Variants in SIRT4 observed in about 807,000 individuals in gnomAD.
The protein encoded by SIRT4 is NAD-dependent protein lipoamidase sirtuin-4, mitochondrial.
Under a neutral mutation model 26.1 loss-of-function variants are expected in SIRT4, and 23 were observed. The observed-to-expected ratio is 0.88, with a 90% CI of 0.63 to 1.25. The LOEUF (loss-of-function observed/expected upper bound fraction) is 1.25, where lower values mean the gene tolerates loss of function less well. Among genes scored for constraint, SIRT4 ranks in the 50% most tolerant of loss-of-function variants. The pLI, the probability that SIRT4 is intolerant of heterozygous loss-of-function variation, is 0.00. For synonymous variants in SIRT4, 155 were observed against 158.4 expected, an observed-to-expected ratio of 0.98 and a Z score of 0.16; for missense variants, 361 against 405.4, an observed-to-expected ratio of 0.89 and a Z score of 0.94.
At position 120,313,246 on chromosome 12, in the gene SIRT4, G is replaced by T; in HGVS notation, c.*210G>T. On this transcript the variant is annotated 3_prime_UTR_variant, in exon 4 of 4. Transcript: ENST00000202967. The stretch of plus-strand genomic sequence containing the variant: ...AATAAAAAATTGTTCAGCTTTATAT[G>T]AAATGCTTCATGAATTTGTGTGTCA... 1 of 569,106 alleles carries T rather than the reference G, an allele frequency of 1.8e-6. No homozygotes were observed. The highest frequency in any genetic ancestry group is 3.1e-6 in the Non-Finnish European group (1 of 326,882). 35.3% of individuals were successfully genotyped at this position (569,106 alleles called of 1,614,324 possible).
intron 2 of SIRT4, among the ~76,000 whole-genome samples, chr12:120,311,295 C>A (rs1437325643): frequency 6.6e-6 from 1 of 151,046 alleles, no homozygotes; most frequent in African/African-American, 2.4e-5. Context: ...GCAGAGGTTG[C>A]GGTGAGCCAA....
intron 2 of SIRT4, among the ~76,000 whole-genome samples, chr12:120,308,244 A>T (rs1361564425): frequency 2.9e-5 from 4 of 140,254 alleles, no homozygotes; most frequent in Non-Finnish European, 6.0e-5. Flanking sequence ...GTCTCGGCTC[A>T]CTGCAACCTC....
intron 2 of SIRT4, among the ~76,000 whole-genome samples, chr12:120,308,495 G>A (rs1447454805): frequency 1.3e-5 from 2 of 151,508 alleles, no homozygotes. Context: ...TATGGGTACA[G>A]GGGGCTTGAG....
Position 120,312,999 on chromosome 12 carries a change from G to A in SIRT4, c.908G>A (p.Arg303His), listed in dbSNP as rs201292392. 57 of 1,614,024 alleles carry A rather than the reference G, an allele frequency of 3.5e-5. No homozygotes were observed. The highest frequency in any genetic ancestry group is 6.6e-5 in the South Asian group (6 of 91,080). The part of the protein sequence containing the change: ...DDLACLKLNS[R>H]CGELLPLIDP... ...TTGGCGTGTCTGAAACTGAATTCTC[G>A]TTGTGGAGAGTTGCTGCCTTTGATA... The change falls in exon 4 of 4, where the codon CGT (arginine) becomes CAT (histidine). Residue 303 changes from arginine (R) to histidine (H), a missense_variant. Physicochemically the swap from Arg to His is conservative, Grantham distance 29 (BLOSUM62 0). Transcript: ENST00000202967.
upstream of SIRT4, among the ~76,000 whole-genome samples, chr12:120,301,122 A>G (rs554221712): frequency 5.3e-5 from 8 of 152,260 alleles, no homozygotes; most frequent in African/African-American, 1.4e-4. Context: ...TAGGGTGGGC[A>G]GATCACGAGG....
the SIRT4 span, among the ~76,000 whole-genome samples, chr12:120,294,087 A>T: frequency 1.9e-4 from 24 of 129,228 alleles, no homozygotes; most frequent in African/African-American, 7.3e-4. Flanking sequence ...CATTGCAACC[A>T]CTGCCTCCCG....
intron 2 of SIRT4, among the ~76,000 whole-genome samples, chr12:120,305,201 AG>A: frequency 6.7e-6 from 1 of 149,566 alleles, no homozygotes; most frequent in Admixed American, 6.8e-5. Context: ...TGAGCAAGCT[AG>A]GGTGATTTTC....
Position 120,304,065 on chromosome 12 carries a change from G to A in SIRT4, c.497+7G>A. ...TCCACGGATGCATGGACAGGTGCAG[G>A]AGCTGTACACGGTTTGAACGCAAAC... On this transcript the variant is annotated splice_region_variant and intron_variant, in intron 2 of 3. Coordinates refer to ENST00000202967, the MANE Select transcript of SIRT4 (RefSeq NM_012240.3). 1 of 1,604,588 alleles carries A rather than the reference G, an allele frequency of 6.2e-7. No homozygotes were observed. The highest frequency in any genetic ancestry group is 1.1e-5 in the South Asian group (1 of 91,048).
the SIRT4 span, among the ~76,000 whole-genome samples, chr12:120,295,981 G>T: frequency 2.7e-5 from 4 of 150,916 alleles, no homozygotes; most frequent in African/African-American, 7.3e-5. Flanking sequence ...CAGCTACTAG[G>T]GGGGCTGAGG....
the SIRT4 span, among the ~76,000 whole-genome samples, chr12:120,295,275 C>T: frequency 3.5e-5 from 5 of 143,358 alleles, no homozygotes; most frequent in Non-Finnish European, 6.0e-5. Context: ...ACTGCAAAGG[C>T]GCAATCTCAG....
chr12:120,309,504 CG>C (rs1192505880), intron 2 of SIRT4, among the ~76,000 whole-genome samples: 1 of 150,682 alleles, frequency 6.6e-6, no homozygotes, highest in Non-Finnish European at 1.5e-5. Flanking sequence ...CTCCACCTCC[CG>C]GGTTCAACCG....
Position 120,312,528 on chromosome 12 carries a change from C to T in SIRT4, c.570C>T (p.Pro190=). ...VLQERFQVLN[P]TWSAEAHGLA... ...AAGAGCGTTTCCAAGTCCTGAACCC[C>T]ACCTGGAGTGCTGAGGCCCATGGCC... The change falls in exon 3 of 4, where the codon CCC becomes CCT. Residue 190 remains proline, a synonymous_variant. Coordinates refer to ENST00000202967, the MANE Select transcript of SIRT4 (RefSeq NM_012240.3). 2 of 1,614,122 alleles carry T rather than the reference C, an allele frequency of 1.2e-6. No homozygotes were observed. Among genetic ancestry groups the T allele is most frequent in the South Asian group, 1.1e-5 (1 of 91,076 alleles).
At chr12:120,301,269 C>T (rs1329736093), upstream of SIRT4, among the ~76,000 whole-genome samples, 3 of 152,130 alleles carry the variant, frequency 2.0e-5, no homozygotes, top group African/African-American at 7.2e-5. Flanking sequence ...TGCTTGAACC[C>T]GGGAGGCGGA....
At chr12:120,312,317 G>T in intron 2 of SIRT4, 139 bp from the exon 3 acceptor site, 1 of 822,612 alleles carries the variant, frequency 1.2e-6, no homozygotes. Flanking sequence ...AGAAAGTATG[G>T]CTAAAATGGG....
chr12:120,303,394 G>C (rs1485814159), intron 1 of SIRT4, among the ~76,000 whole-genome samples, 167 bp from the exon 2 acceptor site: 1 of 151,710 alleles, frequency 6.6e-6, no homozygotes, highest in African/African-American at 2.4e-5. Flanking sequence ...AGAATCACTT[G>C]AACCCGGGAG....
chr12:120,303,797 T>C lies in SIRT4; in HGVS notation c.236T>C (p.Val79Ala), dbSNP rs770616938. The C allele has an allele frequency of 6.2e-7, 1 of 1,614,054 alleles. No individual in the cohort carries two copies. Among genetic ancestry groups the C allele is most frequent in the Non-Finnish European group, 8.5e-7 (1 of 1,179,986 alleles). Residue 79 changes from valine (V) to alanine (A), a missense_variant, in exon 2 of 4, where the codon GTG becomes GCG. By Grantham distance (64) the Val-to-Ala change is moderately conservative (BLOSUM62 0). Transcript: ENST00000202967. ...ATACCAGACTACAGGTCAGAAAAAG[T>C]GGGGCTTTATGCCCGCACTGACCGC... ...SGIPDYRSEK[V>A]GLYARTDRRP... is the part of the protein sequence containing the mutation.
the SIRT4 span, chr12:120,293,100 C>A: frequency 1.3e-5 from 2 of 152,112 alleles, no homozygotes; most frequent in African/African-American, 2.4e-5. Context: ...AATTCAGTCT[C>A]CGTAGAGACT....
rs1873015252 is a variant in SIRT4 at position 120,312,421 on chromosome 12, G to A, written c.498-35G>A. On this transcript the variant is annotated intron_variant, in intron 2 of 3. Coordinates refer to ENST00000202967, the MANE Select transcript of SIRT4 (RefSeq NM_012240.3). ...TCTGACAGCTTTGTGCCTCCCAAGG[G>A]CATACTGTTCAGTCAGCGTCTTCCT... 3.2e-6 allele frequency: 5 copies of A among 1,568,188 alleles called. No individual in the cohort carries two copies. The East Asian group carries it at 1.1e-4, about 35-fold the overall frequency.
the SIRT4 span, among the ~76,000 whole-genome samples, chr12:120,297,233 A>AATACATACATAC: frequency 6.0e-5 from 8 of 134,416 alleles, no homozygotes; most frequent in African/African-American, 2.2e-4. Flanking sequence ...AAAATAAATA[A>AATACATACATAC]ATACATACAT....
Sources: allele counts gnomAD v4.1 joint callset (sites outside exome capture counted in the v4.1 genomes callset), GRCh38; gene constraint gnomAD v4.1.1; transcripts MANE v1.5; gene names NCBI Gene and HGNC (gene_info 2026-07-23, HGNC 2026-07-21).